SEPTIN14: variants seen among roughly 807,000 people sequenced by gnomAD.
SEPTIN14 encodes septin-14.
In SEPTIN14, 40 loss-of-function variants were observed where a neutral mutation model predicts 53.6. The observed-to-expected ratio is 0.75, with a 90% CI of 0.58 to 0.97. The LOEUF (loss-of-function observed/expected upper bound fraction) is 0.97. Among genes scored for constraint, SEPTIN14 ranks in the 50% least tolerant of loss-of-function variants. The pLI is 0.00. For missense variants in SEPTIN14, 471 were observed against 508.2 expected (o/e 0.93, Z 0.70); for synonymous variants, 138 against 166.8 (o/e 0.83, Z 1.33).
intron 6 of SEPTIN14, among the ~76,000 whole-genome samples, chr7:55,833,876 T>C (rs995778039): frequency 6.6e-6 from 1 of 152,020 alleles, no homozygotes; most frequent in African/African-American, 2.4e-5. Flanking sequence ...GTTTATTTCT[T>C]ACAGAAATAA....
intron 3 of SEPTIN14, among the ~76,000 whole-genome samples, chr7:55,846,064 A>AATATATATATATATATATAT (rs1562718590): frequency 6.8e-4 from 5 of 7,374 alleles, no homozygotes; most frequent in Non-Finnish European, 1.3e-3. Flanking sequence ...AAAAAAAAAA[A>AATATATATATATATATATAT]GTATATATAT....
At chr7:55,811,083 GT>G (rs142248571) in intron 7 of SEPTIN14, 5,023 of 462,032 alleles carry the variant, frequency 0.011, 236 homozygotes, top group African/African-American at 0.092. Flanking sequence ...CACCTTTCGT[GT>G]TTCAGCAGAT....
chr7:55,860,773 GA>G (rs925151097), intron 2 of SEPTIN14, among the ~76,000 whole-genome samples: 1 of 152,168 alleles, frequency 6.6e-6, no homozygotes, highest in African/African-American at 2.4e-5. Flanking sequence ...ACAGAAGCTT[GA>G]GGGACACTGT....
At chr7:55,816,539 G>A (rs1472816523) in intron 7 of SEPTIN14, among the ~76,000 whole-genome samples, 2 of 151,786 alleles carry the variant, frequency 1.3e-5, no homozygotes, top group Non-Finnish European at 2.9e-5. Context: ...GCTCATGCCT[G>A]TAATCCTAGC....
At chr7:55,854,059 T>C (rs1789564609) in intron 2 of SEPTIN14, among the ~76,000 whole-genome samples, 3 of 152,088 alleles carry the variant, frequency 2.0e-5, no homozygotes, top group Admixed American at 2.0e-4. Context: ...AGTTAGAGTT[T>C]GCAGTGAGCT....
chr7:55,842,965 T>G lies in SEPTIN14; in HGVS notation c.535A>C (p.Thr179Pro). ...GHSLKSLDLL[T>P]MKNLDSKVNI... The stretch of plus-strand genomic sequence containing the variant: ...ACCTTACTGTCAAGGTTCTTCATTG[T>G]TAATAGATCAAGAGACTTCAGGGAA... Residue 179 changes from threonine to proline, a missense_variant, in exon 5 of 10, where the codon ACA becomes CCA. Thr to Pro is a conservative substitution (Grantham distance 38, BLOSUM62 -1). Coordinates refer to ENST00000388975, the MANE Select transcript of SEPTIN14 (RefSeq NM_207366.3). 2 of 1,529,764 alleles carry G rather than the reference T, an allele frequency of 1.3e-6. No homozygotes were observed. The highest frequency in any genetic ancestry group is 1.7e-6 in the Non-Finnish European group (2 of 1,142,878). 94.8% of individuals were successfully genotyped at this position (1,529,764 alleles called of 1,614,324 possible).
chr7:55,857,733 G>A (rs1178761218), intron 2 of SEPTIN14, among the ~76,000 whole-genome samples: 3 of 150,836 alleles, frequency 2.0e-5, no homozygotes, highest in African/African-American at 4.9e-5. Context: ...GACTACAGGC[G>A]CCCGCCACCA....
chr7:55,839,911 G>A (rs1240053827), intron 5 of SEPTIN14, among the ~76,000 whole-genome samples: 6 of 152,036 alleles, frequency 3.9e-5, no homozygotes, highest in African/African-American at 1.4e-4. Context: ...TTGGGAGGCC[G>A]AGGTGGGCAG....
intron 6 of SEPTIN14, among the ~76,000 whole-genome samples, chr7:55,825,727 G>A (rs1222361854): frequency 3.3e-5 from 5 of 152,118 alleles, no homozygotes; most frequent in African/African-American, 1.2e-4. Flanking sequence ...AGCACTTTGG[G>A]AGGCCGAGGC....
intron 9 of SEPTIN14, among the ~76,000 whole-genome samples, chr7:55,803,738 G>A (rs1217153550): frequency 6.6e-6 from 1 of 152,094 alleles, no homozygotes; most frequent in Non-Finnish European, 1.5e-5. Context: ...AGACGTACAG[G>A]AATAAGGTTC....
At chr7:55,837,218 C>T (rs1296246070) in intron 5 of SEPTIN14, among the ~76,000 whole-genome samples, 1 of 151,520 alleles carries the variant, frequency 6.6e-6, no homozygotes, top group African/African-American at 2.4e-5. Flanking sequence ...CGGGCTGAAG[C>T]GATCCTCCCA....
intron 5 of SEPTIN14, among the ~76,000 whole-genome samples, chr7:55,836,265 ATAAC>A (rs1789202941): frequency 6.6e-6 from 1 of 152,190 alleles, no homozygotes; most frequent in Non-Finnish European, 1.5e-5. Context: ...TTGCACTTAA[ATAAC>A]TAAACTTTTT....
intron 9 of SEPTIN14, among the ~76,000 whole-genome samples, chr7:55,802,958 G>A (rs1353967153): frequency 6.8e-6 from 1 of 147,368 alleles, no homozygotes; most frequent in Admixed American, 6.8e-5. Context: ...TTTTTTTTGA[G>A]ATGGAGTCTC....
chr7:55,836,379 A>G (rs980061357), intron 5 of SEPTIN14, among the ~76,000 whole-genome samples: 1 of 152,214 alleles, frequency 6.6e-6, no homozygotes, highest in African/African-American at 2.4e-5. Context: ...TATAGTAGAA[A>G]TACATAAATA....
At chr7:55,821,115 A>C (rs1200399071) in intron 6 of SEPTIN14, among the ~76,000 whole-genome samples, 1 of 152,126 alleles carries the variant, frequency 6.6e-6, no homozygotes, top group East Asian at 1.9e-4. Context: ...CCTGTTTTTG[A>C]GGCTAAGTCC....
chr7:55,810,123 C>T (rs1207565032), intron 7 of SEPTIN14, among the ~76,000 whole-genome samples: 3 of 152,026 alleles, frequency 2.0e-5, no homozygotes, highest in Non-Finnish European at 4.4e-5. Context: ...TGAGCCACTG[C>T]GCCCGGCCTG....
intron 9 of SEPTIN14, chr7:55,798,746 C>A: frequency 4.8e-6 from 1 of 208,358 alleles, no homozygotes; most frequent in Non-Finnish European, 1.0e-5. Flanking sequence ...CACTCTGGGG[C>A]CCAATGAGAG....
chr7:55,810,475 C>CTTTTTT (rs145847718), intron 7 of SEPTIN14, among the ~76,000 whole-genome samples: 1 of 124,898 alleles, frequency 8.0e-6, no homozygotes, highest in African/African-American at 3.0e-5. Flanking sequence ...TTTTGAAGTT[C>CTTTTTT]TTTTTTTTTT....
At chr7:55,809,831 G>A (rs75877445) in intron 7 of SEPTIN14, among the ~76,000 whole-genome samples, 1 of 119,532 alleles carries the variant, frequency 8.4e-6, no homozygotes, top group Non-Finnish European at 1.6e-5. Context: ...GTAATGGCTT[G>A]TCTTTTTTTT....
Sources: allele counts gnomAD v4.1 joint callset (sites outside exome capture counted in the v4.1 genomes callset), GRCh38; gene constraint gnomAD v4.1.1; transcripts MANE v1.5; gene names NCBI Gene and HGNC (gene_info 2026-07-23, HGNC 2026-07-21).